Variants in DMRT1 observed in about 807,000 individuals in gnomAD.
DMRT1 encodes the protein doublesex- and mab-3-related transcription factor 1.
A neutral mutation model predicts 32.3 loss-of-function variants in DMRT1; 7 were observed. That is an observed-to-expected ratio of 0.22 (90% CI 0.12 to 0.41). The LOEUF (loss-of-function observed/expected upper bound fraction) is 0.41. DMRT1 is among the 10% of genes least tolerant of loss of function. DMRT1 has a pLI of 1.00. For missense variants in DMRT1, 625 were observed against 500.5 expected, an observed-to-expected ratio of 1.25 and a Z score of -2.37; for synonymous variants, 278 against 206.1, an observed-to-expected ratio of 1.35 and a Z score of -2.99.
At chr9:943,282 C>T (rs1042945275) in intron 4 of DMRT1, among the ~76,000 whole-genome samples, 1 of 152,338 alleles carries the variant, frequency 6.6e-6, no homozygotes, top group East Asian at 1.9e-4. Flanking sequence ...GCCCTTATCT[C>T]TCAATGAGGT....
chr9:845,718 C>T (rs919984560), intron 1 of DMRT1, among the ~76,000 whole-genome samples: 3 of 152,260 alleles, frequency 2.0e-5, no homozygotes, highest in Middle Eastern at 3.4e-3. Context: ...CTGCTTCTCC[C>T]GCATGCTCCC....
At chr9:900,404 T>G (rs1817527769) in intron 3 of DMRT1, among the ~76,000 whole-genome samples, 1 of 152,054 alleles carries the variant, frequency 6.6e-6, no homozygotes, top group Non-Finnish European at 1.5e-5. Flanking sequence ...TAAGTGTAGC[T>G]CAGCATCAGA....
At chr9:875,896 C>T (rs922550513) in intron 2 of DMRT1, among the ~76,000 whole-genome samples, 13 of 152,110 alleles carry the variant, frequency 8.5e-5, no homozygotes, top group South Asian at 6.2e-4. Flanking sequence ...AAAATAGCTG[C>T]GTCCGGTGTT....
intron 2 of DMRT1, among the ~76,000 whole-genome samples, chr9:859,132 T>A (rs1183214475): frequency 6.6e-6 from 1 of 152,132 alleles, no homozygotes; most frequent in Non-Finnish European, 1.5e-5. Flanking sequence ...TAGACTCACA[T>A]GAGTTACGAT....
chr9:933,184 T>C (rs965138764), intron 4 of DMRT1, among the ~76,000 whole-genome samples: 3 of 152,184 alleles, frequency 2.0e-5, no homozygotes, highest in African/African-American at 7.2e-5. Context: ...CCCAAAGTGC[T>C]GGGATTACAG....
intron 2 of DMRT1, among the ~76,000 whole-genome samples, chr9:864,026 G>A (rs1345893377): frequency 6.6e-6 from 1 of 152,038 alleles, no homozygotes; most frequent in African/African-American, 2.4e-5. Context: ...ACTGCGGGGT[G>A]ATAAGAGTCC....
intron 3 of DMRT1, among the ~76,000 whole-genome samples, chr9:902,322 T>C (rs983731337): frequency 2.0e-5 from 3 of 151,254 alleles, no homozygotes; most frequent in Non-Finnish European, 2.9e-5. Context: ...GCCTCCTTCC[T>C]ACACCCCCTC....
intron 2 of DMRT1, among the ~76,000 whole-genome samples, chr9:858,870 A>AAAAAAAAAAATAT (rs1815525305): frequency 2.1e-5 from 1 of 48,076 alleles, no homozygotes; most frequent in African/African-American, 8.3e-5. Context: ...AAAAAAAAAA[A>AAAAAAAAAAATAT]ATATATATAT....
intron 2 of DMRT1, among the ~76,000 whole-genome samples, chr9:856,152 A>C (rs7861097): frequency 0.93 from 140,969 of 151,910 alleles, 65,572 homozygotes; most frequent in Middle Eastern, 0.98. Flanking sequence ...CCTGACCTCA[A>C]GTGATCCACC....
chr9:851,593 A>T (rs1487973566), intron 2 of DMRT1, among the ~76,000 whole-genome samples: 1 of 152,180 alleles, frequency 6.6e-6, no homozygotes, highest in Non-Finnish European at 1.5e-5. Context: ...GGCTCCCAAA[A>T]GGGCCAAAAG....
At chr9:950,649 G>C (rs1819398216) in intron 4 of DMRT1, among the ~76,000 whole-genome samples, 1 of 152,112 alleles carries the variant, frequency 6.6e-6, no homozygotes, top group South Asian at 2.1e-4. Context: ...CATTTCACAA[G>C]CCTGCTTCCC....
At chr9:891,374 C>G (rs1232327498) in intron 2 of DMRT1, among the ~76,000 whole-genome samples, 1 of 151,818 alleles carries the variant, frequency 6.6e-6, no homozygotes, top group African/African-American at 2.4e-5. Context: ...TCGCTTGAGC[C>G]CAGAAGGAGG....
At chr9:913,646 G>A (rs1273190165) in intron 3 of DMRT1, among the ~76,000 whole-genome samples, 3 of 151,254 alleles carry the variant, frequency 2.0e-5, no homozygotes, top group African/African-American at 4.9e-5. Flanking sequence ...TGTAATCTCA[G>A]CACTTTGGGA....
chr9:934,012 T>C (rs1281073400), intron 4 of DMRT1, among the ~76,000 whole-genome samples: 3 of 138,278 alleles, frequency 2.2e-5, no homozygotes, highest in African/African-American at 6.5e-5. Flanking sequence ...TAACCTGTGA[T>C]GCACACTTAA....
At position 894,436 on chromosome 9, in the gene DMRT1, C is replaced by T. The variant is rs1476040788; in HGVS notation, c.822+241C>T. On this transcript the variant is annotated intron_variant, in intron 3 of 4. Coordinates refer to ENST00000382276, the MANE Select transcript of DMRT1 (RefSeq NM_021951.3). ...AATGCCCTTTAGCCTCAAAGGTTGG[C>T]TGCAAGGAATTGGAAAGAAATAATG... 2.1e-5 allele frequency: 12 copies of T among 576,986 alleles called. No homozygotes were observed. The Admixed American group carries it at 3.3e-4, about 16-fold the overall frequency. 35.7% of individuals were successfully genotyped at this position (576,986 alleles called of 1,614,324 possible).
intron 2 of DMRT1, among the ~76,000 whole-genome samples, chr9:857,257 A>T (rs967967860): frequency 4.6e-5 from 7 of 152,138 alleles, no homozygotes; most frequent in Non-Finnish European, 8.8e-5. Context: ...CAGGGAGCTG[A>T]GATTGCTCCA....
At chr9:963,961 G>C (rs1004939565) in intron 4 of DMRT1, among the ~76,000 whole-genome samples, 4 of 152,336 alleles carry the variant, frequency 2.6e-5, no homozygotes, top group South Asian at 4.1e-4. Flanking sequence ...TCTAGATGAA[G>C]AGTTGGTAAC....
intron 2 of DMRT1, among the ~76,000 whole-genome samples, chr9:871,832 G>A (rs1480735292): frequency 1.3e-5 from 2 of 151,122 alleles, no homozygotes; most frequent in Non-Finnish European, 2.9e-5. Context: ...CAGCATTTTT[G>A]TCTGATTCTT....
chr9:878,200 G>GCCCA (rs1554749478), intron 2 of DMRT1, among the ~76,000 whole-genome samples: 1 of 94,040 alleles, frequency 1.1e-5, no homozygotes, highest in Non-Finnish European at 2.0e-5. Context: ...TGCAGCTGCT[G>GCCCA]CCCCCCCCCC....
Sources: allele counts gnomAD v4.1 joint callset (sites outside exome capture counted in the v4.1 genomes callset), GRCh38; gene constraint gnomAD v4.1.1; transcripts MANE v1.5; gene names NCBI Gene and HGNC (gene_info 2026-07-23, HGNC 2026-07-21).